Variants in KLHL29 observed in about 807,000 individuals in gnomAD.
KLHL29 encodes the protein kelch-like protein 29.
Under a neutral mutation model 80.4 loss-of-function variants are expected in KLHL29, and 21 were observed. That is an observed-to-expected ratio of 0.26 (90% confidence interval 0.19 to 0.38). KLHL29 has a LOEUF of 0.38. Ranked by LOEUF, KLHL29 falls within the 10% of genes least tolerant of loss-of-function variation. The pLI is 1.00. For missense variants in KLHL29, 867 were observed against 1,223.9 expected, an observed-to-expected ratio of 0.71 and a Z score of 4.35; for synonymous variants, 511 against 526.8, an observed-to-expected ratio of 0.97 and a Z score of 0.41.
At chr2:23,612,577 A>G (rs1278559336) in intron 3 of KLHL29, among the ~76,000 whole-genome samples, 1 of 152,104 alleles carries the variant, frequency 6.6e-6, no homozygotes, top group Admixed American at 6.5e-5. Flanking sequence ...CCATGTCTCT[A>G]CTAAAAATAC....
intron 2 of KLHL29, among the ~76,000 whole-genome samples, chr2:23,550,729 G>C (rs1489661840): frequency 6.6e-6 from 1 of 152,236 alleles, no homozygotes; most frequent in Non-Finnish European, 1.5e-5. Flanking sequence ...GCCAAATAGA[G>C]AGAAGGCATC....
chr2:23,708,552 T>G lies in KLHL29; in HGVS notation c.*1888T>G. On this transcript the variant is annotated 3_prime_UTR_variant, in exon 14 of 14. Transcript: ENST00000486442. The stretch of plus-strand genomic sequence containing the variant: ...CTCTGTAATGGTATTGTACATAGTA[T>G]ATGTTTACTGTTAAGTTCTTGTTAT... 6.6e-6 allele frequency: 1 copy of G among 152,242 alleles called. No homozygotes were observed. The highest frequency in any genetic ancestry group is 1.5e-5 in the Non-Finnish European group (1 of 68,040). The allele number at this position is 152,242 out of a possible 1,614,324, so 9.4% of individuals were successfully genotyped here. A position where few individuals can be genotyped will look rare whatever the true frequency, so the allele number is the denominator to read the frequency against.
At chr2:23,469,182 A>G (rs1273103437) in intron 1 of KLHL29, among the ~76,000 whole-genome samples, 2 of 152,222 alleles carry the variant, frequency 1.3e-5, no homozygotes, top group African/African-American at 4.8e-5. Context: ...TAAAGGGGCA[A>G]TGCCCCTGAG....
intron 1 of KLHL29, among the ~76,000 whole-genome samples, chr2:23,415,022 C>T (rs931897284): frequency 2.6e-5 from 4 of 152,206 alleles, no homozygotes; most frequent in Non-Finnish European, 5.9e-5. Context: ...AACAGTCATA[C>T]CCAGATCAGG....
chr2:23,492,257 C>T (rs2103448888), intron 2 of KLHL29, among the ~76,000 whole-genome samples: 1 of 152,332 alleles, frequency 6.6e-6, no homozygotes. Context: ...TCTGGACTGG[C>T]CCCCTTGACC....
intron 1 of KLHL29, among the ~76,000 whole-genome samples, chr2:23,471,123 A>G (rs1319499294): frequency 1.3e-5 from 2 of 152,166 alleles, no homozygotes; most frequent in African/African-American, 2.4e-5. Context: ...TACAGCCTCC[A>G]GTTCCTTTGC....
At chr2:23,687,204 T>C (rs1162262684) in intron 6 of KLHL29, among the ~76,000 whole-genome samples, 1 of 152,186 alleles carries the variant, frequency 6.6e-6, no homozygotes, top group East Asian at 1.9e-4. Context: ...CTCTGGGACC[T>C]CTGTCCTGGT....
chr2:23,664,262 T>C (rs1025186288), intron 5 of KLHL29, among the ~76,000 whole-genome samples: 21 of 152,154 alleles, frequency 1.4e-4, no homozygotes, highest in African/African-American at 4.8e-4. Context: ...GCCAATCAGA[T>C]GGCTCAAGGC....
rs551466637 is a variant in KLHL29, at chr2:23,531,336, A to T, written c.-45-30816A>T. ...GCAGACCACTGCCAACATGGGACCTATTTGGGGGGTGAGGCTCAGTTTTGT... is the reference window on the plus strand; with the variant it reads ...GCAGACCACTGCCAACATGGGACCTTTTTGGGGGGTGAGGCTCAGTTTTGT... On this transcript the variant is annotated intron_variant, in intron 2 of 13. Coordinates refer to ENST00000486442, the MANE Select transcript of KLHL29 (RefSeq NM_052920.2). 2.0e-5 allele frequency among the ~76,000 whole-genome samples: 3 copies of T among 152,292 alleles called. No individual in the cohort carries two copies. The East Asian group carries it at 5.8e-4, about 29-fold the overall frequency.
At chr2:23,616,415 T>C (rs562896016) in intron 3 of KLHL29, 1 of 152,144 alleles carries the variant, frequency 6.6e-6, no homozygotes, top group African/African-American at 2.4e-5. Flanking sequence ...GCAATGTAAG[T>C]TAAAGAAAAA....
chr2:23,511,048 G>A (rs1388912101), intron 2 of KLHL29, among the ~76,000 whole-genome samples: 1 of 152,182 alleles, frequency 6.6e-6, no homozygotes, highest in Admixed American at 6.5e-5. Context: ...GAACAGAAAT[G>A]TATTTTCTCA....
intron 1 of KLHL29, among the ~76,000 whole-genome samples, chr2:23,422,726 G>A (rs949031912): frequency 4.7e-5 from 7 of 148,114 alleles, no homozygotes; most frequent in South Asian, 2.2e-4. Context: ...GCAGGTGAGC[G>A]GGCAGTGCCC....
At chr2:23,565,110 C>T (rs548735832) in intron 3 of KLHL29, among the ~76,000 whole-genome samples, 1 of 152,316 alleles carries the variant, frequency 6.6e-6, no homozygotes, top group African/African-American at 2.4e-5. Flanking sequence ...CAGAACCTGG[C>T]ATGTGGTATT....
chr2:23,534,333 G>C (rs1238464517), intron 2 of KLHL29, among the ~76,000 whole-genome samples: 1 of 151,920 alleles, frequency 6.6e-6, no homozygotes, highest in Non-Finnish European at 1.5e-5. Context: ...GCAACACCTA[G>C]CCCAATGCCT....
intron 2 of KLHL29, among the ~76,000 whole-genome samples, chr2:23,508,018 G>T (rs1572364749): frequency 6.6e-6 from 1 of 152,298 alleles, no homozygotes; most frequent in East Asian, 1.9e-4. Context: ...TCCTAGGGAC[G>T]GCTCCTGGTT....
Position 23,680,780 on chromosome 2 carries a change from C to T in KLHL29, c.941-3619C>T, listed in dbSNP as rs568865140. ...TCTTCTCCTGGGGTCTCTAGGCCAT[C>T]TTCTCCTGGGGTCTCTAGGCCATCT... On this transcript the variant is annotated intron_variant, in intron 5 of 13. Coordinates refer to ENST00000486442, the MANE Select transcript of KLHL29 (RefSeq NM_052920.2). This position sits in a 1 kb window ranked among gnomAD's most constrained non-coding sequence, Gnocchi z 4.1. Among the ~76,000 whole-genome samples the T allele has an allele frequency of 2.3e-4, 35 of 151,756 alleles. No individual in the cohort carries two copies. Among genetic ancestry groups the T allele is most frequent in the Non-Finnish European group, 4.7e-4 (32 of 67,916 alleles).
In KLHL29 at chr2:23,682,945, ATGTGGCGTGT is replaced by A. The variant is rs2149190355; in HGVS notation, c.941-1452_941-1443del. The stretch of plus-strand genomic sequence containing the variant: ...CCCCAACCCCGATCCCTGAACATGC[ATGTGGCGTGT>A]TCTCCAGGAGCCCCTCCCACCGTCT... On this transcript the variant is annotated intron_variant, in intron 5 of 13. Transcript: ENST00000486442. The surrounding 1 kb of genome is among the most constrained non-coding windows in gnomAD (Gnocchi z 4.1). 6.6e-6 allele frequency among the ~76,000 whole-genome samples: 1 copy of A among 152,164 alleles called. No homozygotes were observed. Among genetic ancestry groups the A allele is most frequent in the East Asian group, 1.9e-4 (1 of 5,170 alleles).
At chr2:23,635,972 C>T (rs187945766) in intron 3 of KLHL29, among the ~76,000 whole-genome samples, 51 of 152,334 alleles carry the variant, frequency 3.3e-4, no homozygotes, top group East Asian at 2.3e-3. Flanking sequence ...GCAGCCCTCC[C>T]GACCAGGAGG....
intron 2 of KLHL29, among the ~76,000 whole-genome samples, chr2:23,541,983 A>G (rs1477127281): frequency 1.3e-5 from 2 of 152,154 alleles, no homozygotes; most frequent in Non-Finnish European, 2.9e-5. Context: ...AATCCTGGGA[A>G]GTAATTAGCT....
Sources: gnomAD v4.1 joint callset for allele counts (sites outside exome capture counted in the v4.1 genomes callset) on GRCh38, gnomAD v4.1.1 for gene constraint, Gnocchi (gnomAD v3.1) non-coding constraint, MANE v1.5 for transcripts, NCBI Gene and HGNC (gene_info 2026-07-23, HGNC 2026-07-21) for gene names.